The following RCAN2 variants were observed in gnomAD, a reference collection of about 807,000 sequenced individuals.
RCAN2 encodes the protein regulator of calcineurin 2, also known as calcipressin-2.
Under a neutral mutation model 23.6 loss-of-function variants are expected in RCAN2, and 9 were observed. The ratio of observed to expected loss-of-function variants is 0.38; its 90% CI spans 0.23 to 0.67. RCAN2 has a LOEUF of 0.67. RCAN2 is among the 30% of genes least tolerant of loss of function. The pLI is 0.51. For missense variants in RCAN2, 273 were observed against 302.3 expected, an observed-to-expected ratio of 0.90 and a Z score of 0.72; for synonymous variants, 109 against 115.7, an observed-to-expected ratio of 0.94 and a Z score of 0.37.
chr6:46,248,265 T>C (rs1014918604), intron 3 of RCAN2, among the ~76,000 whole-genome samples: 1 of 152,246 alleles, frequency 6.6e-6, no homozygotes, highest in Admixed American at 6.5e-5. Flanking sequence ...ATATGAATCA[T>C]TGAAAAGTTA....
At chr6:46,367,525 A>G (rs1377738827) in intron 2 of RCAN2, among the ~76,000 whole-genome samples, 4 of 152,194 alleles carry the variant, frequency 2.6e-5, no homozygotes. Context: ...TTGAAATGTC[A>G]GTTCAAGATC....
At chr6:46,478,144 G>T (rs1768763096) in intron 1 of RCAN2, among the ~76,000 whole-genome samples, 1 of 152,180 alleles carries the variant, frequency 6.6e-6, no homozygotes, top group Non-Finnish European at 1.5e-5. Context: ...CAACTCCAGT[G>T]ATCATTTTGC....
intron 2 of RCAN2, among the ~76,000 whole-genome samples, chr6:46,281,413 A>G (rs1304353542): frequency 6.6e-6 from 1 of 152,238 alleles, no homozygotes; most frequent in Non-Finnish European, 1.5e-5. Context: ...CAAGTTTCCC[A>G]AGTGACAATT....
At chr6:46,317,628 A>AT (rs1005503735) in intron 2 of RCAN2, among the ~76,000 whole-genome samples, 6 of 150,906 alleles carry the variant, frequency 4.0e-5, no homozygotes, top group Admixed American at 1.3e-4. Flanking sequence ...TGCCCGGCTA[A>AT]TTTTTTTTTG....
At chr6:46,253,919 G>A (rs1049284777) in intron 2 of RCAN2, among the ~76,000 whole-genome samples, 2 of 152,210 alleles carry the variant, frequency 1.3e-5, no homozygotes, top group East Asian at 1.9e-4. Context: ...ACAATAGGCT[G>A]TACCATAGAG....
At chr6:46,476,171 A>T (rs1178506179) in intron 1 of RCAN2, among the ~76,000 whole-genome samples, 1 of 152,292 alleles carries the variant, frequency 6.6e-6, no homozygotes, top group East Asian at 1.9e-4. Context: ...CAGAGTAGAA[A>T]ACTGAAGCTC....
In RCAN2 at chr6:46,297,478, A is replaced by T. The variant is rs189609717; in HGVS notation, c.226-48582T>A. ...CTGGGTTCTTACTAAAATGACAACC[A>T]CTGCACAGTCCGGGTGGGTAGAATA... On this transcript the variant is annotated intron_variant, in intron 2 of 4. Coordinates refer to ENST00000371374, the MANE Select transcript of RCAN2 (RefSeq NM_001251974.2). Among the ~76,000 whole-genome samples the T allele has an allele frequency of 8.4e-4, 128 of 152,116 alleles. 1 individual carries two copies. In the Middle Eastern group the frequency reaches 0.01, roughly 12 times the overall value.
chr6:46,402,284 A>G (rs111354537), intron 2 of RCAN2, among the ~76,000 whole-genome samples: 2 of 151,952 alleles, frequency 1.3e-5, no homozygotes, highest in African/African-American at 4.8e-5. Context: ...GTGTGTATAT[A>G]TGTGTGTGTT....
At chr6:46,310,491 G>C in intron 2 of RCAN2, among the ~76,000 whole-genome samples, 1 of 151,716 alleles carries the variant, frequency 6.6e-6, no homozygotes, top group East Asian at 1.9e-4. Context: ...AGCATGCAGT[G>C]TCCCGGCTTA....
At chr6:46,317,350 T>C (rs959340489) in intron 2 of RCAN2, among the ~76,000 whole-genome samples, 2 of 152,226 alleles carry the variant, frequency 1.3e-5, no homozygotes, top group African/African-American at 4.8e-5. Flanking sequence ...CCACTTCTGA[T>C]AAGAAATAGA....
chr6:46,233,188 A>G (rs758675438), intron 4 of RCAN2, among the ~76,000 whole-genome samples: 2 of 152,228 alleles, frequency 1.3e-5, no homozygotes, highest in African/African-American at 4.8e-5. Flanking sequence ...GAGAACATCA[A>G]GTCACTCAAA....
At chr6:46,369,267 A>C (rs1030655789) in intron 2 of RCAN2, among the ~76,000 whole-genome samples, 7 of 152,154 alleles carry the variant, frequency 4.6e-5, no homozygotes, top group Non-Finnish European at 1.0e-4. Flanking sequence ...ATACCTCCTG[A>C]AGGACCTGCC....
intron 2 of RCAN2, among the ~76,000 whole-genome samples, chr6:46,355,598 C>T (rs560207128): frequency 1.3e-5 from 2 of 152,332 alleles, no homozygotes; most frequent in Middle Eastern, 3.4e-3. Flanking sequence ...CACTGATGCT[C>T]CAACTAGGCA....
intron 2 of RCAN2, among the ~76,000 whole-genome samples, chr6:46,351,265 T>C (rs1199948210): frequency 6.6e-6 from 1 of 152,202 alleles, no homozygotes; most frequent in African/African-American, 2.4e-5. Flanking sequence ...CTTCCAGCAT[T>C]TGACACTTCA....
intron 2 of RCAN2, among the ~76,000 whole-genome samples, chr6:46,360,670 A>C (rs1336660997): frequency 6.6e-6 from 1 of 152,070 alleles, no homozygotes; most frequent in Admixed American, 6.5e-5. Context: ...CAGAGGCTGG[A>C]CTTATAAGGT....
At chr6:46,323,010 G>T (rs1253586290) in intron 2 of RCAN2, among the ~76,000 whole-genome samples, 2 of 152,058 alleles carry the variant, frequency 1.3e-5, no homozygotes, top group South Asian at 2.1e-4. Flanking sequence ...TAATGTTACT[G>T]CTTTACATTA....
Position 46,303,625 on chromosome 6 carries a change from C to A in RCAN2, c.226-54729G>T, listed in dbSNP as rs942154527. ...AACGGTTCCAGTACCTTAGAAGGCT[C>A]GTTTCTGCCCTCTTCCAGTCAATAA... is the stretch of plus-strand genomic sequence containing the variant. On this transcript the variant is annotated intron_variant, in intron 2 of 4. Coordinates refer to ENST00000371374, the MANE Select transcript of RCAN2 (RefSeq NM_001251974.2). Among the ~76,000 whole-genome samples the A allele has an allele frequency of 3.3e-5, 5 of 152,048 alleles. No homozygotes were observed. The East Asian group carries it at 9.7e-4, about 29-fold the overall frequency.
chr6:46,470,191 T>C (rs1291389378), intron 1 of RCAN2, among the ~76,000 whole-genome samples: 1 of 152,118 alleles, frequency 6.6e-6, no homozygotes, highest in Admixed American at 6.5e-5. Flanking sequence ...ACAATGTTTT[T>C]GATAGTGCAG....
intron 2 of RCAN2, among the ~76,000 whole-genome samples, chr6:46,449,010 T>C (rs1303736066): frequency 6.6e-6 from 1 of 151,912 alleles, no homozygotes; most frequent in Non-Finnish European, 1.5e-5. Context: ...ATAAAAGGAA[T>C]CCAAACTGGA....
Sources: allele counts gnomAD v4.1 joint callset (sites outside exome capture counted in the v4.1 genomes callset), GRCh38; gene constraint gnomAD v4.1.1; transcripts MANE v1.5; gene names NCBI Gene and HGNC (gene_info 2026-07-23, HGNC 2026-07-21).